The following SCAPER variants were observed in gnomAD, a reference collection of about 807,000 sequenced individuals.
The protein encoded by SCAPER is S-phase cyclin A associated protein in the ER.
Under a neutral mutation model 182.2 loss-of-function variants are expected in SCAPER, and 98 were observed. The ratio of observed to expected loss-of-function variants is 0.54; its 90% CI spans 0.46 to 0.64. The LOEUF is 0.64. Among genes scored for constraint, SCAPER ranks in the 30% least tolerant of loss-of-function variants. The pLI is 0.00. For missense variants in SCAPER, 1,432 were observed against 1,690.0 expected (o/e 0.85, Z 2.68); for synonymous variants, 605 against 564.6 (o/e 1.07, Z -1.01).
chr15:76,619,785 T>C (rs551268627), intron 22 of SCAPER, among the ~76,000 whole-genome samples: 12 of 152,220 alleles, frequency 7.9e-5, no homozygotes, highest in African/African-American at 2.6e-4. Flanking sequence ...CCTCTTAAGT[T>C]TACTCTTAAA....
At chr15:76,498,957 T>C (rs567232317) in intron 24 of SCAPER, among the ~76,000 whole-genome samples, 4 of 152,296 alleles carry the variant, frequency 2.6e-5, no homozygotes, top group African/African-American at 9.6e-5. Context: ...AAAAAGCAAC[T>C]TTACTGATCT....
chr15:76,795,540 T>G (rs1267996372), intron 7 of SCAPER, 100 bp from the exon 8 acceptor site: 1 of 837,466 alleles, frequency 1.2e-6, no homozygotes, highest in Non-Finnish European at 1.7e-6. Flanking sequence ...CATATGAATA[T>G]CCACATATAT....
intron 20 of SCAPER, among the ~76,000 whole-genome samples, chr15:76,674,812 A>G (rs62026906): frequency 0.084 from 12,836 of 152,226 alleles, 624 homozygotes; most frequent in Middle Eastern, 0.12. Flanking sequence ...TATGCAGCAA[A>G]GTTTTATACA....
At chr15:76,744,168 C>T (rs1362805055) in intron 15 of SCAPER, among the ~76,000 whole-genome samples, 2 of 152,078 alleles carry the variant, frequency 1.3e-5, no homozygotes, top group Admixed American at 6.5e-5. Context: ...AAATGTAAGG[C>T]CTCAAACTAT....
At chr15:76,646,458 T>C (rs2054556376) in intron 21 of SCAPER, among the ~76,000 whole-genome samples, 2 of 152,208 alleles carry the variant, frequency 1.3e-5, no homozygotes, top group Admixed American at 1.3e-4. Flanking sequence ...TGAATTCCCA[T>C]GCTGCTCTTT....
chr15:76,454,987 T>C (rs1232704621), intron 25 of SCAPER, among the ~76,000 whole-genome samples: 1 of 152,182 alleles, frequency 6.6e-6, no homozygotes, highest in Non-Finnish European at 1.5e-5. Flanking sequence ...TCAAATGCAC[T>C]GGTATAAAGC....
chr15:76,442,971 A>C (rs933302122), intron 25 of SCAPER, among the ~76,000 whole-genome samples: 9 of 152,168 alleles, frequency 5.9e-5, no homozygotes, highest in African/African-American at 2.2e-4. Context: ...CCAGTGAAAA[A>C]GGTGGTGGGG....
intron 10 of SCAPER, among the ~76,000 whole-genome samples, chr15:76,769,379 C>T (rs1170554824): frequency 7.0e-6 from 1 of 141,956 alleles, no homozygotes; most frequent in East Asian, 2.2e-4. Flanking sequence ...GGAGGTGGAG[C>T]TTGCAGTGAG....
rs1164980758 is a variant in SCAPER, at chr15:76,348,438, C to T, written c.*195G>A. The stretch of plus-strand genomic sequence containing the variant: ...AGATACTCTGCATAAATGAAATAAA[C>T]TCAACTTGCAAAATTAGCAAGTAGA... On this transcript the variant is annotated 3_prime_UTR_variant, in exon 32 of 32. Coordinates refer to ENST00000563290, the MANE Select transcript of SCAPER (RefSeq NM_020843.4). 2.4e-6 allele frequency: 1 copy of T among 409,128 alleles called. No homozygotes were observed. The highest frequency in any genetic ancestry group is 4.1e-5 in the Admixed American group (1 of 24,554). 25.3% of individuals were successfully genotyped at this position (409,128 alleles called of 1,614,324 possible).
At position 76,373,014 on chromosome 15, in the gene SCAPER, TCTTTTTCTTTCTTTCTTTC is replaced by T. The variant is rs899579307; in HGVS notation, c.3855+3129_3855+3147del. Among the ~76,000 whole-genome samples, 194 of 148,332 alleles carry T rather than the reference TCTTTTTCTTTCTTTCTTTC, an allele frequency of 1.3e-3. 3 individuals carry two copies. In the East Asian group the frequency reaches 0.035, roughly 27 times the overall value. On this transcript the variant is annotated intron_variant, in intron 29 of 31. Coordinates refer to ENST00000563290, the MANE Select transcript of SCAPER (RefSeq NM_020843.4). ...CATTTTTTTCTTTATACTTGCCCTG[TCTTTTTCTTTCTTTCTTTC>T]CTTTTTCTTTCTTTCTTTCTTTTTT... is the stretch of plus-strand genomic sequence containing the variant.
At chr15:76,603,960 C>T (rs1341269256) in intron 22 of SCAPER, among the ~76,000 whole-genome samples, 1 of 121,074 alleles carries the variant, frequency 8.3e-6, no homozygotes, top group Non-Finnish European at 2.0e-5. Flanking sequence ...AAAATCTTCT[C>T]CCATTCTGTA....
At chr15:76,518,312 G>C (rs939546070) in intron 23 of SCAPER, among the ~76,000 whole-genome samples, 1 of 152,176 alleles carries the variant, frequency 6.6e-6, no homozygotes, top group South Asian at 2.1e-4. Context: ...CTTCAGCAGA[G>C]ATACTGCTTC....
intron 20 of SCAPER, among the ~76,000 whole-genome samples, chr15:76,697,004 G>A (rs1417041287): frequency 9.9e-5 from 15 of 152,114 alleles, no homozygotes; most frequent in African/African-American, 2.4e-5. Context: ...AACAAAATGT[G>A]TCAAAGATCA....
intron 17 of SCAPER, among the ~76,000 whole-genome samples, chr15:76,711,676 T>A (rs1270593930): frequency 2.0e-5 from 3 of 152,236 alleles, no homozygotes; most frequent in Admixed American, 2.0e-4. Context: ...TTTGCATTTC[T>A]TTGATGGCCA....
intron 25 of SCAPER, among the ~76,000 whole-genome samples, chr15:76,445,362 AT>A (rs2047925293): frequency 1.3e-5 from 2 of 152,080 alleles, no homozygotes; most frequent in African/African-American, 4.8e-5. Context: ...TCAGGTTGAG[AT>A]TTTCCTGGTT....
intron 28 of SCAPER, among the ~76,000 whole-genome samples, chr15:76,377,128 C>A (rs1349002331): frequency 1.3e-5 from 2 of 152,198 alleles, no homozygotes; most frequent in Admixed American, 1.3e-4. Context: ...GTTTTAAACT[C>A]ATCTCTTGAT....
chr15:76,825,287 G>T (rs1199815824), intron 5 of SCAPER, among the ~76,000 whole-genome samples: 1 of 152,014 alleles, frequency 6.6e-6, no homozygotes, highest in Non-Finnish European at 1.5e-5. Flanking sequence ...CTAGCTTAGA[G>T]GACACACTAA....
chr15:76,646,868 A>C (rs1413416398), intron 21 of SCAPER, among the ~76,000 whole-genome samples: 4 of 152,202 alleles, frequency 2.6e-5, no homozygotes, highest in Non-Finnish European at 5.9e-5. Context: ...CTGCTTGGAG[A>C]AAAATCAAGT....
At chr15:76,574,063 G>C in intron 23 of SCAPER, 95 bp downstream of exon 23, 3 of 1,244,224 alleles carry the variant, frequency 2.4e-6, no homozygotes, top group Non-Finnish European at 3.2e-6. Flanking sequence ...ACAGAAGAAA[G>C]GTATATACTG....
Sources: allele counts gnomAD v4.1 joint callset (sites outside exome capture counted in the v4.1 genomes callset), GRCh38; gene constraint gnomAD v4.1.1; transcripts MANE v1.5; gene names NCBI Gene and HGNC (gene_info 2026-07-23, HGNC 2026-07-21).